The following BMPR2 variants were observed in gnomAD, a reference collection of about 807,000 sequenced individuals.
BMPR2 encodes the protein bone morphogenetic protein receptor type-2.
A neutral mutation model predicts 100.8 loss-of-function variants in BMPR2; 29 were observed. The observed-to-expected ratio is 0.29, with a 90% CI of 0.21 to 0.39. The LOEUF (loss-of-function observed/expected upper bound fraction) is 0.39. BMPR2 is among the 10% of genes least tolerant of loss of function. The probability of loss-of-function intolerance (pLI) is 1.00; values close to 1 mark genes in which losing one functional copy is unlikely to be tolerated. For synonymous variants in BMPR2, 382 were observed against 442.3 expected (o/e 0.86, Z 1.71); for missense variants, 1,011 against 1,274.5 (o/e 0.79, Z 3.15).
chr2:202,519,488 A>T (rs1258280525), intron 6 of BMPR2, among the ~76,000 whole-genome samples: 1 of 152,240 alleles, frequency 6.6e-6, no homozygotes, highest in African/African-American at 2.4e-5. Context: ...GCAATGAAAT[A>T]AGGATCTCAC....
At chr2:202,387,938 TCAAA>T (rs1690462583) in intron 1 of BMPR2, among the ~76,000 whole-genome samples, 2 of 152,254 alleles carry the variant, frequency 1.3e-5, no homozygotes, top group Non-Finnish European at 1.5e-5. Context: ...TGTTACTTAT[TCAAA>T]CAGAGTTTTA....
chr2:202,525,388 G>A (rs1687891500), intron 7 of BMPR2, among the ~76,000 whole-genome samples: 1 of 151,898 alleles, frequency 6.6e-6, no homozygotes, highest in African/African-American at 2.4e-5. Flanking sequence ...GTAGAGGTGG[G>A]GTTTCACCAT....
At chr2:202,499,800 G>A (rs1385223139) in intron 3 of BMPR2, among the ~76,000 whole-genome samples, 1 of 152,150 alleles carries the variant, frequency 6.6e-6, no homozygotes, top group Non-Finnish European at 1.5e-5. Flanking sequence ...AGAGGAACAG[G>A]CCCAAAAGGA....
Position 202,562,011 on chromosome 2 carries a change from A to G in BMPR2, c.*2065A>G, listed in dbSNP as rs577882865. Reference sequence around the variant, plus strand: ...TTTTTTTCACAGTTATTATTCTTCTATTAACAAATTATTTTTATCTTTCCT... The same window carrying G: ...TTTTTTTCACAGTTATTATTCTTCTGTTAACAAATTATTTTTATCTTTCCT... On this transcript the variant is annotated 3_prime_UTR_variant, in exon 13 of 13. Transcript: ENST00000374580. 5.9e-5 allele frequency: 9 copies of G among 152,184 alleles called. No homozygotes were observed. The highest frequency in any genetic ancestry group is 6.5e-5 in the Admixed American group (1 of 15,292). 9.4% of individuals were successfully genotyped at this position (152,184 alleles called of 1,614,324 possible). A position where few individuals can be genotyped will look rare whatever the true frequency, so the allele number is the denominator to read the frequency against.
chr2:202,378,413 G>C (rs887233418), intron 1 of BMPR2, among the ~76,000 whole-genome samples: 7 of 151,936 alleles, frequency 4.6e-5, no homozygotes, highest in African/African-American at 1.7e-4. Flanking sequence ...TCGTACACTT[G>C]GTTTATGATG....
At chr2:202,381,379 CTCTT>C (rs1391969960) in intron 1 of BMPR2, among the ~76,000 whole-genome samples, 1 of 152,142 alleles carries the variant, frequency 6.6e-6, no homozygotes, top group Non-Finnish European at 1.5e-5. Flanking sequence ...CTCCATGTGT[CTCTT>C]TCTGGGGTCC....
chr2:202,474,257 C>T (rs561536467), intron 3 of BMPR2, among the ~76,000 whole-genome samples: 1 of 151,934 alleles, frequency 6.6e-6, no homozygotes, highest in Non-Finnish European at 1.5e-5. Context: ...AGTTCGAGAC[C>T]AGCCTGGCCT....
At chr2:202,540,383 G>T (rs1470195949) in intron 9 of BMPR2, among the ~76,000 whole-genome samples, 1 of 152,116 alleles carries the variant, frequency 6.6e-6, no homozygotes, top group Admixed American at 6.5e-5. Context: ...GGAAGAAAGT[G>T]ATATACTAAC....
chr2:202,486,279 G>A (rs528490101), intron 3 of BMPR2, among the ~76,000 whole-genome samples: 1 of 152,220 alleles, frequency 6.6e-6, no homozygotes, highest in South Asian at 2.1e-4. Flanking sequence ...TTTTGAAATT[G>A]TCTACTTACC....
rs1195027380 is a variant in BMPR2 at position 202,535,190 on chromosome 2, C to T, written c.1276+2458C>T. The stretch of plus-strand genomic sequence containing the variant: ...GCTGGCCTGGCGGGGGGCTGACCCC[C>T]CCCACCTCCCTCCCGGACGGGGTGG... On this transcript the variant is annotated intron_variant, in intron 9 of 12. Transcript: ENST00000374580. Among the ~76,000 whole-genome samples, 5 of 151,046 alleles carry T rather than the reference C, an allele frequency of 3.3e-5. No homozygotes were observed. The East Asian group carries it at 6.0e-4, about 18-fold the overall frequency.
chr2:202,482,360 G>A (rs1559051705), intron 3 of BMPR2, among the ~76,000 whole-genome samples: 1 of 152,102 alleles, frequency 6.6e-6, no homozygotes. Flanking sequence ...GCAGAATCAT[G>A]TGATAAAAAT....
intron 12 of BMPR2, among the ~76,000 whole-genome samples, chr2:202,559,441 T>C (rs1688644097): frequency 6.6e-6 from 1 of 152,214 alleles, no homozygotes; most frequent in African/African-American, 2.4e-5. Context: ...AATGTTCTCC[T>C]GTGTTTTGTG....
chr2:202,498,803 A>C (rs1206352529), intron 3 of BMPR2, among the ~76,000 whole-genome samples: 1 of 152,078 alleles, frequency 6.6e-6, no homozygotes, highest in South Asian at 2.1e-4. Context: ...GGGCAGTACA[A>C]ATTACAATAC....
rs887325746 is a variant in BMPR2, at chr2:202,468,877, C to T, written c.418+1188C>T. ...AATAAAAAAGCCTATCTATTATTGA[C>T]TTACCTTTAAAAAAAGAAACAAAGA... On this transcript the variant is annotated intron_variant, in intron 3 of 12. Transcript: ENST00000374580. Among the ~76,000 whole-genome samples, 10 of 152,094 alleles carry T rather than the reference C, an allele frequency of 6.6e-5. 1 individual carries two copies. Among genetic ancestry groups the T allele is most frequent in the Non-Finnish European group, 2.9e-5 (2 of 67,994 alleles).
In BMPR2 at chr2:202,383,368, G is replaced by A. The variant is rs540213482; in HGVS notation, c.76+5818G>A. Among the ~76,000 whole-genome samples the A allele has an allele frequency of 4.5e-3, 688 of 152,198 alleles. 7 individuals are homozygous for A. Among genetic ancestry groups the A allele is most frequent in the African/African-American group, 0.016 (646 of 41,534 alleles). ...TTGAGACCAGCCTGACTAACGTGGT[G>A]AAACCCCGTCTCTACTAAAATACAA... On this transcript the variant is annotated intron_variant, in intron 1 of 12. Coordinates refer to ENST00000374580, the MANE Select transcript of BMPR2 (RefSeq NM_001204.7).
chr2:202,394,701 A>AAG (rs1690624080), intron 1 of BMPR2, among the ~76,000 whole-genome samples: 1 of 152,086 alleles, frequency 6.6e-6, no homozygotes, highest in African/African-American at 2.4e-5. Context: ...GTATTATACT[A>AAG]CGTGCTTTAT....
chr2:202,520,363 C>A, intron 7 of BMPR2, 162 bp downstream of exon 7: 1 of 665,518 alleles, frequency 1.5e-6, no homozygotes, highest in Non-Finnish European at 2.6e-6. Context: ...TGAAATGTAA[C>A]AGAAAGAGCT....
intron 1 of BMPR2, among the ~76,000 whole-genome samples, chr2:202,436,284 C>T (rs1449893951): frequency 2.0e-5 from 3 of 150,342 alleles, no homozygotes; most frequent in Non-Finnish European, 4.4e-5. Flanking sequence ...GAAACCCCGT[C>T]TCTACAAAAA....
intron 4 of BMPR2, 51 bp downstream of exon 4, chr2:202,513,880 C>T: frequency 7.3e-7 from 1 of 1,371,032 alleles, no homozygotes; most frequent in South Asian, 1.2e-5. Flanking sequence ...GCAATTTAAT[C>T]AATTTATTTG....
Sources: gnomAD v4.1 joint callset for allele counts (sites outside exome capture counted in the v4.1 genomes callset) on GRCh38, gnomAD v4.1.1 for gene constraint, MANE v1.5 for transcripts, NCBI Gene and HGNC (gene_info 2026-07-23, HGNC 2026-07-21) for gene names.